Variants in PTCHD4 observed in about 807,000 individuals in gnomAD.
The protein encoded by PTCHD4 is patched domain containing 4.
Under a neutral mutation model 58.1 loss-of-function variants are expected in PTCHD4, and 33 were observed. The observed-to-expected ratio is 0.57, with a 90% CI of 0.43 to 0.76. The LOEUF (loss-of-function observed/expected upper bound fraction) is 0.76, where lower values mean the gene tolerates loss of function less well. Ranked by LOEUF, PTCHD4 falls within the 30% of genes least tolerant of loss-of-function variation. PTCHD4 has a pLI of 0.00. For synonymous variants in PTCHD4, 478 were observed against 409.6 expected (o/e 1.17, Z -2.02); for missense variants, 1,058 against 1,027.1 (o/e 1.03, Z -0.41).
chr6:47,944,374 C>A (rs892884256), intron 4 of PTCHD4, among the ~76,000 whole-genome samples: 2 of 152,020 alleles, frequency 1.3e-5, no homozygotes, highest in African/African-American at 4.8e-5. Flanking sequence ...ATTTGCAACC[C>A]ATTTTTGAAA....
intron 1 of PTCHD4, among the ~76,000 whole-genome samples, chr6:48,077,415 T>C (rs1765081366): frequency 6.6e-6 from 1 of 152,254 alleles, no homozygotes; most frequent in South Asian, 2.1e-4. Context: ...TTGCATTCAT[T>C]ATCTTAGGTA....
intron 4 of PTCHD4, among the ~76,000 whole-genome samples, chr6:47,979,433 G>A (rs1436100891): frequency 6.6e-6 from 1 of 152,058 alleles, no homozygotes; most frequent in African/African-American, 2.4e-5. Flanking sequence ...AAAATAAGAT[G>A]GTTGATCAAT....
intron 1 of PTCHD4, among the ~76,000 whole-genome samples, chr6:48,080,844 C>T (rs1021291667): frequency 5.3e-5 from 8 of 152,078 alleles, no homozygotes; most frequent in Non-Finnish European, 8.8e-5. Context: ...TTTGGCCCTC[C>T]TAGCTGCCCT....
intron 3 of PTCHD4, among the ~76,000 whole-genome samples, chr6:48,032,918 G>A (rs923234711): frequency 1.5e-4 from 23 of 152,064 alleles, no homozygotes; most frequent in Non-Finnish European, 2.1e-4. Flanking sequence ...CCTTGAAGGT[G>A]GAATCGGTGT....
intron 4 of PTCHD4, among the ~76,000 whole-genome samples, chr6:47,935,312 G>T (rs1186868366): frequency 6.6e-6 from 1 of 152,148 alleles, no homozygotes; most frequent in Admixed American, 6.5e-5. Context: ...GTATTTAGAG[G>T]TGTGTTCTTA....
intron 4 of PTCHD4, among the ~76,000 whole-genome samples, chr6:47,942,316 A>G (rs1766262673): frequency 6.6e-6 from 1 of 152,146 alleles, no homozygotes; most frequent in South Asian, 2.1e-4. Context: ...AAAGGATAGA[A>G]CTCTTTAGTT....
chr6:47,957,579 T>C (rs1335905857), intron 4 of PTCHD4, among the ~76,000 whole-genome samples: 1 of 150,734 alleles, frequency 6.6e-6, no homozygotes, highest in South Asian at 2.1e-4. Flanking sequence ...ACAAGTTTTT[T>C]TTTTTATTTT....
intron 3 of PTCHD4, among the ~76,000 whole-genome samples, chr6:48,049,418 C>T (rs1764154159): frequency 6.6e-6 from 1 of 151,924 alleles, no homozygotes; most frequent in Non-Finnish European, 1.5e-5. Flanking sequence ...CTTTAATTAG[C>T]CTACCTTGCC....
intron 4 of PTCHD4, among the ~76,000 whole-genome samples, chr6:47,953,264 T>C (rs1448382623): frequency 6.6e-6 from 1 of 152,180 alleles, no homozygotes; most frequent in African/African-American, 2.4e-5. Context: ...GAGGTCCTTA[T>C]CTTTCATCAG....
intron 3 of PTCHD4, among the ~76,000 whole-genome samples, chr6:48,025,086 C>T (rs768752017): frequency 6.6e-6 from 1 of 152,144 alleles, no homozygotes; most frequent in African/African-American, 2.4e-5. Context: ...TGCAATATTT[C>T]ATTCTTGCTA....
At chr6:47,984,463 C>T (rs1375613421) in intron 4 of PTCHD4, among the ~76,000 whole-genome samples, 1 of 152,118 alleles carries the variant, frequency 6.6e-6, no homozygotes, top group East Asian at 1.9e-4. Context: ...CCCCATGATT[C>T]ATTTACCTCC....
chr6:47,960,873 T>C (rs992198458), intron 4 of PTCHD4, among the ~76,000 whole-genome samples: 4 of 151,046 alleles, frequency 2.6e-5, no homozygotes, highest in East Asian at 1.9e-4. Flanking sequence ...CTTTCACTAA[T>C]TGATAAAACA....
At chr6:48,028,170 T>C (rs761133523) in intron 3 of PTCHD4, among the ~76,000 whole-genome samples, 8 of 152,076 alleles carry the variant, frequency 5.3e-5, no homozygotes, top group Non-Finnish European at 1.2e-4. Flanking sequence ...CTCGAACACC[T>C]AGCCTCAAGT....
At chr6:48,016,591 A>G (rs1047342796) in intron 3 of PTCHD4, among the ~76,000 whole-genome samples, 2 of 151,944 alleles carry the variant, frequency 1.3e-5, no homozygotes, top group Non-Finnish European at 2.9e-5. Context: ...GCCATAAATC[A>G]TCTCATCACA....
At chr6:47,970,231 C>A (rs1581952392) in intron 4 of PTCHD4, among the ~76,000 whole-genome samples, 1 of 151,962 alleles carries the variant, frequency 6.6e-6, no homozygotes, top group Non-Finnish European at 1.5e-5. Context: ...CTTTTTGGAG[C>A]CCCATGAAGA....
intron 4 of PTCHD4, chr6:47,901,972 A>G (rs1166742181): frequency 1.7e-5 from 21 of 1,234,748 alleles, no homozygotes; most frequent in South Asian, 2.5e-5. Context: ...AACAAGAGTT[A>G]TGTTATATTT....
chr6:48,024,643 C>T (rs957244990), intron 3 of PTCHD4, among the ~76,000 whole-genome samples: 10 of 152,112 alleles, frequency 6.6e-5, no homozygotes, highest in Non-Finnish European at 7.4e-5. Flanking sequence ...AGTCAGGCCT[C>T]GTGTCAGCAC....
intron 4 of PTCHD4, among the ~76,000 whole-genome samples, chr6:47,981,472 C>A (rs1055635824): frequency 2.0e-5 from 3 of 151,888 alleles, no homozygotes; most frequent in Non-Finnish European, 2.9e-5. Flanking sequence ...ATTTTTGTAA[C>A]CCCTAGAGGC....
intron 3 of PTCHD4, among the ~76,000 whole-genome samples, chr6:48,067,544 A>G (rs546166833): frequency 6.6e-6 from 1 of 152,250 alleles, no homozygotes; most frequent in East Asian, 1.9e-4. Flanking sequence ...TGGAATCCCT[A>G]CTACATTCAT....
Sources: allele counts gnomAD v4.1 joint callset (sites outside exome capture counted in the v4.1 genomes callset), GRCh38; gene constraint gnomAD v4.1.1; transcripts MANE v1.5; gene names NCBI Gene and HGNC (gene_info 2026-07-23, HGNC 2026-07-21).